TBRG4: variants seen among roughly 807,000 people sequenced by gnomAD.
TBRG4 encodes FAST kinase domain-containing protein 4.
A neutral mutation model predicts 65.6 loss-of-function variants in TBRG4; 43 were observed. The observed-to-expected ratio is 0.66, with a 90% confidence interval of 0.51 to 0.85. The LOEUF (loss-of-function observed/expected upper bound fraction) is 0.85, where lower values mean the gene tolerates loss of function less well. Ranked by LOEUF, TBRG4 falls within the 40% of genes least tolerant of loss-of-function variation. The probability of loss-of-function intolerance (pLI) is 0.00; values close to 1 mark genes in which losing one functional copy is unlikely to be tolerated. For synonymous variants in TBRG4, 366 were observed against 341.4 expected (o/e 1.07, Z -0.79); for missense variants, 709 against 787.9 (o/e 0.90, Z 1.20).
chr7:45,109,033 C>G lies in TBRG4; in HGVS notation c.205G>C (p.Glu69Gln). The change falls in exon 2 of 11, where the codon GAG (glutamate) becomes CAG (glutamine). Residue 69 changes from glutamate to glutamine, a missense_variant. Transcript: ENST00000258770. ...EKERASTPYI[E>Q]KQVDHLIKKA... ...TTGATGAGGTGGTCCACCTGCTTCT[C>G]TATGTAGGGAGTAGATGCTCGTTCC... The G allele has an allele frequency of 1.9e-6, 3 of 1,612,878 alleles. No individual in the cohort carries two copies. The highest frequency in any genetic ancestry group is 1.7e-6 in the Non-Finnish European group (2 of 1,179,300).
At chr7:45,103,640 A>G in intron 5 of TBRG4, 197 bp from the exon 6 acceptor site, 1 of 582,294 alleles carries the variant, frequency 1.7e-6, no homozygotes, top group East Asian at 2.8e-5. Context: ...GGCAGCAACT[A>G]CCCACAGAGG....
intron 1 of TBRG4, among the ~76,000 whole-genome samples, chr7:45,109,500 A>G (rs1348260774): frequency 2.6e-5 from 4 of 152,270 alleles, no homozygotes; most frequent in Non-Finnish European, 4.4e-5. Flanking sequence ...ACTCAGGAAC[A>G]TTACAGCCTG....
chr7:45,102,921 CCAGA>C (rs1164979690), intron 6 of TBRG4: 1 of 314,504 alleles, frequency 3.2e-6, no homozygotes, highest in Non-Finnish European at 6.0e-6. Context: ...CAGGACTGTG[CCAGA>C]CAAACCCCTG....
chr7:45,102,168 C>G, intron 7 of TBRG4, 98 bp from the exon 8 acceptor site: 3 of 1,529,558 alleles, frequency 2.0e-6, no homozygotes, highest in Non-Finnish European at 2.6e-6. Context: ...AGTCCCAGCC[C>G]AGTTTTCTGG....
At position 45,103,109 on chromosome 7, in the gene TBRG4, C is replaced by T. The variant is rs112624175; in HGVS notation, c.1176+224G>A. ...TAAAAGGAGCACCAGAGGCAGGACCCCCCAGCGCTGCCTGGCAGGGCAGTC... is the reference window on the plus strand; with the variant it reads ...TAAAAGGAGCACCAGAGGCAGGACCTCCCAGCGCTGCCTGGCAGGGCAGTC... On this transcript the variant is annotated intron_variant, in intron 6 of 10. Transcript: ENST00000258770. 1.6e-3 allele frequency: 957 copies of T among 581,788 alleles called. 5 individuals are homozygous for T. Among genetic ancestry groups the T allele is most frequent in the African/African-American group, 0.016 (870 of 53,604 alleles). 36.0% of individuals were successfully genotyped at this position (581,788 alleles called of 1,614,324 possible).
At chr7:45,105,834 T>C in intron 2 of TBRG4, 70 bp from the exon 3 acceptor site, 11 of 1,500,666 alleles carry the variant, frequency 7.3e-6, no homozygotes, top group Non-Finnish European at 9.1e-6. Flanking sequence ...GGAGGCTACC[T>C]CTCTGAACCT....
intron 5 of TBRG4, chr7:45,103,683 A>G (rs1784842998): frequency 3.6e-6 from 2 of 555,898 alleles, no homozygotes; most frequent in Admixed American, 3.2e-5. Flanking sequence ...TCTTTCTGAT[A>G]AGGGATTTAG....
chr7:45,105,280 C>T (rs747806201), intron 3 of TBRG4, 161 bp downstream of exon 3: 31 of 792,314 alleles, frequency 3.9e-5, no homozygotes, highest in Non-Finnish European at 5.5e-5. Flanking sequence ...TCCGAGCCCT[C>T]TGGTCCTGCC....
At chr7:45,103,928 T>G in intron 5 of TBRG4, 171 bp downstream of exon 5, 5 of 928,610 alleles carry the variant, frequency 5.4e-6, no homozygotes, top group Non-Finnish European at 7.8e-6. Context: ...CAAACACTTT[T>G]TTGAGAACTG....
chr7:45,100,270 C>T lies in TBRG4; in HGVS notation c.*55G>A, dbSNP rs990755886. ...GTCCTCAAGGGTGACCCTTCTTGGC[C>T]GCCCACAGCTAGACCTCCGGCGGAG... On this transcript the variant is annotated 3_prime_UTR_variant, in exon 11 of 11. Coordinates refer to ENST00000258770, the MANE Select transcript of TBRG4 (RefSeq NM_004749.4). The T allele has an allele frequency of 4.2e-5, 63 of 1,508,776 alleles. No homozygotes were observed. Among genetic ancestry groups the T allele is most frequent in the Non-Finnish European group, 5.4e-5 (59 of 1,098,172 alleles). The allele number at this position is 1,508,776 out of a possible 1,614,324, so 93.5% of individuals were successfully genotyped here.
At position 45,104,150 on chromosome 7, in the gene TBRG4, G is replaced by A. The variant is rs890392595; in HGVS notation, c.1014C>T (p.Ser338=). Residue 338 remains serine, a synonymous_variant, in exon 5 of 11, where the codon TCC becomes TCT. Transcript: ENST00000258770. ...GGCTGAGCCACTTGAGTAAGGCGAA[G>A]GACTTGGCACAGTGGGCCACCTCAC... The part of the protein sequence containing the change: ...TSGEVAHCAK[S]FALLKWLSLP... The A allele has an allele frequency of 1.2e-5, 20 of 1,613,852 alleles. No homozygotes were observed. The highest frequency in any genetic ancestry group is 1.6e-5 in the Non-Finnish European group (19 of 1,179,970).
rs1223926457 is a variant in TBRG4 at position 45,103,843 on chromosome 7, G to GATGAGA, written c.1065+255_1065+256insTCTCAT. On this transcript the variant is annotated intron_variant, in intron 5 of 10. Coordinates refer to ENST00000258770, the MANE Select transcript of TBRG4 (RefSeq NM_004749.4). Reference sequence around the variant, plus strand: ...GATTCTCAGTCTCATCAGCCATGCTGCTACCTGCTACAGCTACCCCAAAAT... The same window carrying GATGAGA: ...GATTCTCAGTCTCATCAGCCATGCTGATGAGACTACCTGCTACAGCTACCCCAAAAT... 4 of 568,604 alleles carry GATGAGA rather than the reference G, an allele frequency of 7.0e-6. No individual in the cohort carries two copies. The African/African-American group carries it at 7.5e-5, about 11-fold the overall frequency. The allele number at this position is 568,604 out of a possible 1,614,324, so 35.2% of individuals were successfully genotyped here.
At position 45,104,092 on chromosome 7, in the gene TBRG4, G is replaced by A; in HGVS notation, c.1065+7C>T. 1.3e-6 allele frequency: 2 copies of A among 1,593,822 alleles called. No individual in the cohort carries two copies. Among genetic ancestry groups the A allele is most frequent in the Non-Finnish European group, 1.7e-6 (2 of 1,170,166 alleles). ...CTTCTCTGAGTTGGGGCCAGGCCCT[G>A]GCTCACCTGGGCAAAGGCCTCAAAC... On this transcript the variant is annotated splice_region_variant and intron_variant, in intron 5 of 10. Coordinates refer to ENST00000258770, the MANE Select transcript of TBRG4 (RefSeq NM_004749.4).
At chr7:45,103,646 A>G in intron 5 of TBRG4, 1 of 580,320 alleles carries the variant, frequency 1.7e-6, no homozygotes, top group Non-Finnish European at 3.1e-6. Context: ...AACTACCCAC[A>G]GAGGCTGGGG....
chr7:45,109,793 A>G (rs2128647008), intron 1 of TBRG4, among the ~76,000 whole-genome samples: 2 of 152,124 alleles, frequency 1.3e-5, no homozygotes, highest in South Asian at 2.1e-4. Flanking sequence ...CCTGGCCAAC[A>G]TGGTGAAACC....
intron 7 of TBRG4, 76 bp from the exon 8 acceptor site, chr7:45,102,146 A>ACC: frequency 1.3e-6 from 2 of 1,525,668 alleles, no homozygotes; most frequent in Non-Finnish European, 8.8e-7. Context: ...AGGGCAGTGC[A>ACC]CCCCTACACC....
chr7:45,101,191 G>T, intron 10 of TBRG4, 67 bp downstream of exon 10: 1 of 1,498,226 alleles, frequency 6.7e-7, no homozygotes, highest in Non-Finnish European at 9.2e-7. Context: ...AGTTCCACCT[G>T]ATCCCCTCTC....
chr7:45,105,144 C>T (rs548831325), intron 3 of TBRG4: 8 of 649,652 alleles, frequency 1.2e-5, no homozygotes, highest in Middle Eastern at 2.7e-4. Context: ...TGCCATGCCC[C>T]CCTCTCAAGA....
chr7:45,102,651 C>A (rs953080354), intron 6 of TBRG4, 160 bp from the exon 7 acceptor site: 19 of 944,552 alleles, frequency 2.0e-5, no homozygotes, highest in Non-Finnish European at 2.8e-5. Context: ...CTTGGTGAGG[C>A]CTGGAGCAAT....
Sources: gnomAD v4.1 joint callset for allele counts (sites outside exome capture counted in the v4.1 genomes callset) on GRCh38, gnomAD v4.1.1 for gene constraint, MANE v1.5 for transcripts, NCBI Gene and HGNC (gene_info 2026-07-23, HGNC 2026-07-21) for gene names.